Variants in ROBO1 observed in about 807,000 individuals in gnomAD.
ROBO1 encodes roundabout guidance receptor 1.
A neutral mutation model predicts 195.9 loss-of-function variants in ROBO1; 149 were observed. That is an observed-to-expected ratio of 0.76 (90% confidence interval 0.67 to 0.87). The LOEUF (loss-of-function observed/expected upper bound fraction) is 0.87. Ranked by LOEUF, ROBO1 falls within the 40% of genes least tolerant of loss-of-function variation. ROBO1 has a pLI of 0.00. For missense variants in ROBO1, 1,933 were observed against 2,068.3 expected (o/e 0.93, Z 1.27); for synonymous variants, 816 against 733.2 (o/e 1.11, Z -1.82).
At chr3:79,085,786 A>C (rs2079357795) in intron 3 of ROBO1, among the ~76,000 whole-genome samples, 1 of 152,298 alleles carries the variant, frequency 6.6e-6, no homozygotes, top group Non-Finnish European at 1.5e-5. Context: ...GTGCTAAGGA[A>C]GTGTGTTTAA....
intron 4 of ROBO1, among the ~76,000 whole-genome samples, chr3:78,824,295 C>T (rs977894631): frequency 2.0e-5 from 3 of 152,058 alleles, no homozygotes; most frequent in Non-Finnish European, 2.9e-5. Flanking sequence ...ATGGCAAAAA[C>T]CACGACTACT....
At chr3:79,565,114 G>C (rs948917150) in intron 2 of ROBO1, among the ~76,000 whole-genome samples, 4 of 152,056 alleles carry the variant, frequency 2.6e-5, no homozygotes, top group Non-Finnish European at 5.9e-5. Flanking sequence ...TTGAATTTTA[G>C]AGCTTGAACT....
intron 3 of ROBO1, among the ~76,000 whole-genome samples, chr3:78,979,539 A>G (rs1388432998): frequency 6.6e-6 from 1 of 152,206 alleles, no homozygotes; most frequent in Non-Finnish European, 1.5e-5. Context: ...AAGATCTCTC[A>G]CATTTATATT....
At chr3:79,075,322 T>C (rs1432726917) in intron 3 of ROBO1, among the ~76,000 whole-genome samples, 1 of 151,988 alleles carries the variant, frequency 6.6e-6, no homozygotes, top group African/African-American at 2.4e-5. Flanking sequence ...TAGGTATGAA[T>C]TTGAAAGAAA....
At chr3:78,879,309 T>C (rs967033924) in intron 4 of ROBO1, among the ~76,000 whole-genome samples, 6 of 152,264 alleles carry the variant, frequency 3.9e-5, no homozygotes, top group South Asian at 2.1e-4. Flanking sequence ...TGGATCTGAG[T>C]TGATATATGT....
intron 4 of ROBO1, among the ~76,000 whole-genome samples, chr3:78,884,866 C>CTG (rs376764608): frequency 0.21 from 31,136 of 147,088 alleles, 3,635 homozygotes; most frequent in East Asian, 0.44. Flanking sequence ...CTCTCTCTTT[C>CTG]TGTGTGTGTG....
intron 4 of ROBO1, among the ~76,000 whole-genome samples, chr3:78,761,573 A>G (rs1345330694): frequency 6.6e-6 from 1 of 152,110 alleles, no homozygotes; most frequent in East Asian, 1.9e-4. Flanking sequence ...ATAGGTGATA[A>G]ATTTGTTTTC....
At chr3:79,322,888 C>T (rs1374006301) in intron 2 of ROBO1, among the ~76,000 whole-genome samples, 1 of 152,146 alleles carries the variant, frequency 6.6e-6, no homozygotes, top group Admixed American at 6.5e-5. Context: ...CACAATTAAT[C>T]ATGAATACAT....
intron 4 of ROBO1, among the ~76,000 whole-genome samples, chr3:78,861,131 G>C (rs1357231845): frequency 6.6e-6 from 1 of 152,002 alleles, no homozygotes; most frequent in Non-Finnish European, 1.5e-5. Flanking sequence ...GACATTCCAT[G>C]AACATCTGTA....
At chr3:79,373,131 AGC>A (rs1241112278) in intron 2 of ROBO1, among the ~76,000 whole-genome samples, 1 of 152,216 alleles carries the variant, frequency 6.6e-6, no homozygotes, top group Non-Finnish European at 1.5e-5. Context: ...TTTGATACTA[AGC>A]TTTAGGTTTA....
intron 2 of ROBO1, among the ~76,000 whole-genome samples, chr3:79,551,688 A>C (rs145441460): frequency 6.6e-6 from 1 of 152,094 alleles, no homozygotes; most frequent in Non-Finnish European, 1.5e-5. Context: ...AAATGTCAGC[A>C]CAGCAAGTTC....
chr3:79,482,698 T>C (rs1379779261), intron 2 of ROBO1, among the ~76,000 whole-genome samples: 1 of 152,202 alleles, frequency 6.6e-6, no homozygotes, highest in Admixed American at 6.5e-5. Flanking sequence ...AGTAAGACAG[T>C]ATAAAATAAG....
intron 3 of ROBO1, among the ~76,000 whole-genome samples, chr3:79,119,751 C>T (rs2080081068): frequency 6.6e-6 from 1 of 151,224 alleles, no homozygotes; most frequent in Non-Finnish European, 1.5e-5. Context: ...GATTGATCCA[C>T]AGATGAGTGA....
intron 2 of ROBO1, among the ~76,000 whole-genome samples, chr3:79,517,099 C>T (rs960389301): frequency 1.3e-5 from 2 of 152,152 alleles, no homozygotes; most frequent in Non-Finnish European, 2.9e-5. Context: ...GTGTAAAAAT[C>T]ATGCGCAGTC....
At chr3:79,550,195 G>GGAAAGAAAGAAAA (rs1553762946) in intron 2 of ROBO1, among the ~76,000 whole-genome samples, 1 of 100,812 alleles carries the variant, frequency 9.9e-6, no homozygotes, top group African/African-American at 4.7e-5. Context: ...AAGAAAGAAA[G>GGAAAGAAAGAAAA]GAAAAGAAAA....
intron 4 of ROBO1, among the ~76,000 whole-genome samples, chr3:78,810,467 T>C (rs967688673): frequency 2.0e-5 from 3 of 152,240 alleles, no homozygotes; most frequent in South Asian, 2.1e-4. Context: ...GTTTTCATTA[T>C]TGAAGGAAAA....
intron 1 of ROBO1, among the ~76,000 whole-genome samples, chr3:79,735,379 A>G: frequency 6.6e-6 from 1 of 152,218 alleles, no homozygotes. Context: ...TCTTATTGAA[A>G]TAGATGGCTG....
At chr3:78,807,852 G>T (rs2084595959) in intron 4 of ROBO1, among the ~76,000 whole-genome samples, 1 of 152,134 alleles carries the variant, frequency 6.6e-6, no homozygotes, top group Non-Finnish European at 1.5e-5. Context: ...AACTGAGATG[G>T]TGTCTAATAC....
At chr3:79,555,737 C>A (rs945509102) in intron 2 of ROBO1, among the ~76,000 whole-genome samples, 2 of 152,108 alleles carry the variant, frequency 1.3e-5, no homozygotes, top group East Asian at 3.9e-4. Flanking sequence ...TTCTGTAAAA[C>A]TTTAAAGATT....
Sources: allele counts gnomAD v4.1 joint callset (sites outside exome capture counted in the v4.1 genomes callset), GRCh38; gene constraint gnomAD v4.1.1; transcripts MANE v1.5; gene names NCBI Gene and HGNC (gene_info 2026-07-23, HGNC 2026-07-21).